Variants in KCNH5 observed in about 807,000 individuals in gnomAD.
The protein encoded by KCNH5 is voltage-gated delayed rectifier potassium channel KCNH5.
A neutral mutation model predicts 96.1 loss-of-function variants in KCNH5; 46 were observed. The observed-to-expected ratio is 0.48, with a 90% CI of 0.38 to 0.61. The LOEUF is 0.61. Ranked by LOEUF, KCNH5 falls within the 20% of genes least tolerant of loss-of-function variation. KCNH5 has a pLI of 0.00. For synonymous variants in KCNH5, 439 were observed against 449.8 expected, an observed-to-expected ratio of 0.98 and a Z score of 0.30; for missense variants, 907 against 1,225.8, an observed-to-expected ratio of 0.74 and a Z score of 3.88.
chr14:62,956,946 A>C (rs181813983), intron 6 of KCNH5, among the ~76,000 whole-genome samples: 6 of 152,296 alleles, frequency 3.9e-5, no homozygotes, highest in Non-Finnish European at 1.5e-5. Context: ...TCTGCACTTC[A>C]GTGGCTTTCT....
At chr14:62,979,213 A>G (rs28677162) in intron 6 of KCNH5, among the ~76,000 whole-genome samples, 3,886 of 152,242 alleles carry the variant, frequency 0.026, 113 homozygotes, top group East Asian at 0.15. Flanking sequence ...GCAAAACATA[A>G]ATACTGCTTA....
chr14:62,863,211 G>A (rs1888071376), intron 7 of KCNH5, among the ~76,000 whole-genome samples: 1 of 151,914 alleles, frequency 6.6e-6, no homozygotes, highest in Non-Finnish European at 1.5e-5. Flanking sequence ...GCATAGTTCT[G>A]GACACATAAC....
At chr14:62,722,098 T>C (rs963649305) in intron 10 of KCNH5, among the ~76,000 whole-genome samples, 7 of 152,160 alleles carry the variant, frequency 4.6e-5, no homozygotes, top group Admixed American at 1.3e-4. Context: ...GTTCTTAGCG[T>C]TGAATTTGTA....
At chr14:62,722,553 T>A (rs1884837726) in intron 10 of KCNH5, among the ~76,000 whole-genome samples, 1 of 152,052 alleles carries the variant, frequency 6.6e-6, no homozygotes, top group Admixed American at 6.5e-5. Context: ...TGGCCTGGAG[T>A]AAAGGAAATT....
At chr14:62,948,246 G>A (rs1889931499) in intron 7 of KCNH5, among the ~76,000 whole-genome samples, 2 of 152,036 alleles carry the variant, frequency 1.3e-5, no homozygotes, top group South Asian at 4.1e-4. Flanking sequence ...ATTTGGGTTG[G>A]TTCCAAGTCT....
chr14:62,880,001 C>A (rs1036446436), intron 7 of KCNH5, among the ~76,000 whole-genome samples: 2 of 152,102 alleles, frequency 1.3e-5, no homozygotes, highest in Admixed American at 6.6e-5. Flanking sequence ...GCACACCAAG[C>A]AATGTGTTTA....
chr14:62,713,493 C>G (rs554660890), intron 10 of KCNH5, among the ~76,000 whole-genome samples: 2 of 152,178 alleles, frequency 1.3e-5, no homozygotes, highest in Non-Finnish European at 2.9e-5. Flanking sequence ...GCAGTAATAT[C>G]CACTAGAAGC....
chr14:62,838,892 T>C (rs1428315962), intron 8 of KCNH5, among the ~76,000 whole-genome samples: 1 of 152,144 alleles, frequency 6.6e-6, no homozygotes, highest in Non-Finnish European at 1.5e-5. Flanking sequence ...AGAAAATTAA[T>C]ACCTAGTACT....
chr14:62,803,815 T>C (rs1886712239), intron 8 of KCNH5, among the ~76,000 whole-genome samples: 1 of 152,166 alleles, frequency 6.6e-6, no homozygotes. Context: ...TCATTTAGAA[T>C]CCTCCTCAAA....
chr14:62,842,538 C>A (rs1191641625), intron 8 of KCNH5, among the ~76,000 whole-genome samples: 1 of 152,126 alleles, frequency 6.6e-6, no homozygotes, highest in African/African-American at 2.4e-5. Context: ...ATATTTGTTG[C>A]ATAATGCTTT....
intron 6 of KCNH5, among the ~76,000 whole-genome samples, chr14:62,960,417 CATTA>C (rs997978987): frequency 6.6e-6 from 1 of 152,090 alleles, no homozygotes; most frequent in Non-Finnish European, 1.5e-5. Context: ...AGAATGAAAA[CATTA>C]ATTAAAGAAT....
chr14:62,759,702 A>G (rs1885706557), intron 10 of KCNH5, among the ~76,000 whole-genome samples: 1 of 151,928 alleles, frequency 6.6e-6, no homozygotes, highest in Non-Finnish European at 1.5e-5. Context: ...ACTGTTACCA[A>G]CCTCCATAAA....
intron 4 of KCNH5, among the ~76,000 whole-genome samples, chr14:63,000,034 A>G (rs997291915): frequency 2.0e-5 from 3 of 152,190 alleles, no homozygotes; most frequent in African/African-American, 7.2e-5. Flanking sequence ...TCTTCAAAGC[A>G]CAAATAAATT....
At chr14:62,917,608 C>G (rs1889300528) in intron 7 of KCNH5, among the ~76,000 whole-genome samples, 1 of 152,150 alleles carries the variant, frequency 6.6e-6, no homozygotes, top group African/African-American at 2.4e-5. Context: ...CTTGCTCTGA[C>G]TATTTATTAG....
chr14:63,007,742 C>T (rs1367579607), intron 2 of KCNH5, among the ~76,000 whole-genome samples: 1 of 151,980 alleles, frequency 6.6e-6, no homozygotes, highest in Non-Finnish European at 1.5e-5. Context: ...AGGGAATTTT[C>T]TTAAGATAGG....
At chr14:62,932,296 C>T (rs1466338809) in intron 7 of KCNH5, among the ~76,000 whole-genome samples, 5 of 151,876 alleles carry the variant, frequency 3.3e-5, no homozygotes, top group African/African-American at 4.8e-5. Context: ...ATTTTGCACT[C>T]ATGAAGTGAA....
chr14:62,924,916 G>T (rs771591528), intron 7 of KCNH5, among the ~76,000 whole-genome samples: 5 of 151,942 alleles, frequency 3.3e-5, no homozygotes, highest in Non-Finnish European at 7.4e-5. Context: ...CAATAATAGT[G>T]TATACTTGAA....
intron 10 of KCNH5, among the ~76,000 whole-genome samples, chr14:62,733,612 G>A (rs1885096876): frequency 6.6e-6 from 1 of 152,132 alleles, no homozygotes; most frequent in South Asian, 2.1e-4. Context: ...TAGCTTTTGT[G>A]CCACTATTCC....
intron 7 of KCNH5, among the ~76,000 whole-genome samples, chr14:62,886,166 A>G (rs918054252): frequency 6.0e-5 from 9 of 149,760 alleles, no homozygotes. Context: ...ACACAAGAAT[A>G]TCACTCTCTG....
Sources: gnomAD v4.1 joint callset for allele counts (sites outside exome capture counted in the v4.1 genomes callset) on GRCh38, gnomAD v4.1.1 for gene constraint, MANE v1.5 for transcripts, NCBI Gene and HGNC (gene_info 2026-07-23, HGNC 2026-07-21) for gene names.